The following CSMD1 variants were observed in gnomAD, a reference collection of about 807,000 sequenced individuals.
CSMD1 encodes the protein CUB and Sushi multiple domains 1.
Under a neutral mutation model 417.5 loss-of-function variants are expected in CSMD1, and 213 were observed. The ratio of observed to expected loss-of-function variants is 0.51; its 90% CI spans 0.46 to 0.57. The LOEUF (loss-of-function observed/expected upper bound fraction) is 0.57, where lower values mean the gene tolerates loss of function less well. Among genes scored for constraint, CSMD1 ranks in the 20% least tolerant of loss-of-function variants. CSMD1 has a pLI of 0.00. For missense variants in CSMD1, 6,923 were observed against 4,529.7 expected (o/e 1.53, Z -15.17); for synonymous variants, 2,862 against 1,736.8 (o/e 1.65, Z -16.11).
chr8:4,282,581 A>G (rs75612892), intron 3 of CSMD1, among the ~76,000 whole-genome samples: 4,100 of 152,318 alleles, frequency 0.027, 72 homozygotes, highest in African/African-American at 0.035. Context: ...TCTTAAATGA[A>G]TTGATCTTAG....
intron 3 of CSMD1, among the ~76,000 whole-genome samples, chr8:4,084,516 A>C (rs1800315977): frequency 6.6e-6 from 1 of 152,072 alleles, no homozygotes; most frequent in Admixed American, 6.6e-5. Context: ...TCCTGTTTTT[A>C]TTTTTCCTTA....
chr8:3,821,426 T>G (rs1473454894), intron 5 of CSMD1, among the ~76,000 whole-genome samples: 4 of 152,222 alleles, frequency 2.6e-5, no homozygotes, highest in Middle Eastern at 3.2e-3. Flanking sequence ...TTATGCATTC[T>G]GCTATGACGC....
At chr8:3,285,401 T>C (rs28630932) in intron 25 of CSMD1, among the ~76,000 whole-genome samples, 51,444 of 150,740 alleles carry the variant, frequency 0.34, 8,904 homozygotes, top group Admixed American at 0.4. Flanking sequence ...TTTTTTTTTT[T>C]CTAGAGATGG....
Position 4,129,296 on chromosome 8 carries a change from T to A in CSMD1, c.416-97197A>T, listed in dbSNP as rs141757605. 5.3e-3 allele frequency among the ~76,000 whole-genome samples: 810 copies of A among 152,154 alleles called. 9 individuals are homozygous for A. Among genetic ancestry groups the A allele is most frequent in the African/African-American group, 0.017 (707 of 41,498 alleles). On this transcript the variant is annotated intron_variant, in intron 3 of 69. Transcript: ENST00000635120. ...GCTGTCAACAAAACTAGCACAGTCATTATCTTCTCCCTCTTTTCATGTGGA... is the reference window on the plus strand; with the variant it reads ...GCTGTCAACAAAACTAGCACAGTCAATATCTTCTCCCTCTTTTCATGTGGA...
chr8:4,178,207 C>T (rs1006108179), intron 3 of CSMD1, among the ~76,000 whole-genome samples: 1 of 152,174 alleles, frequency 6.6e-6, no homozygotes. Flanking sequence ...CCGAATCCAG[C>T]AGCACATCAA....
chr8:3,786,319 G>A (rs1249228054), intron 5 of CSMD1, among the ~76,000 whole-genome samples: 1 of 152,140 alleles, frequency 6.6e-6, no homozygotes, highest in Non-Finnish European at 1.5e-5. Context: ...AAAATCCTCT[G>A]TCTGTTGGAT....
At chr8:3,251,672 A>C (rs998986667) in intron 26 of CSMD1, among the ~76,000 whole-genome samples, 1 of 152,120 alleles carries the variant, frequency 6.6e-6, no homozygotes, top group African/African-American at 2.4e-5. Context: ...GCATTTTCAC[A>C]ATATTGATTC....
At chr8:3,126,365 C>T (rs1380078142) in intron 41 of CSMD1, among the ~76,000 whole-genome samples, 1 of 151,986 alleles carries the variant, frequency 6.6e-6, no homozygotes, top group Non-Finnish European at 1.5e-5. Context: ...GGAGACAGAC[C>T]CAGGAGGAGG....
rs960276712 is a variant in CSMD1, at chr8:3,283,848, T to G, written c.4153+296A>C. ...CGACTATACATTAAAACACACAATTTTCTCTCTTTCTTTGGGTCTTCATTT... is the reference window on the plus strand; with the variant it reads ...CGACTATACATTAAAACACACAATTGTCTCTCTTTCTTTGGGTCTTCATTT... On this transcript the variant is annotated intron_variant, in intron 26 of 69. Transcript: ENST00000635120. Among the ~76,000 whole-genome samples the G allele has an allele frequency of 7.2e-5, 11 of 152,236 alleles. No homozygotes were observed. The East Asian group carries it at 2.1e-3, about 29-fold the overall frequency.
intron 10 of CSMD1, among the ~76,000 whole-genome samples, chr8:3,561,705 G>A (rs1323150604): frequency 6.6e-6 from 1 of 152,136 alleles, no homozygotes; most frequent in African/African-American, 2.4e-5. Flanking sequence ...TGTACTACCA[G>A]CCCCGACCCC....
At chr8:4,721,147 C>G (rs1217093986) in intron 1 of CSMD1, among the ~76,000 whole-genome samples, 1 of 152,162 alleles carries the variant, frequency 6.6e-6, no homozygotes, top group Non-Finnish European at 1.5e-5. Context: ...TAAAGTTCTT[C>G]CAGCAAAAGA....
intron 2 of CSMD1, among the ~76,000 whole-genome samples, chr8:4,438,537 T>C (rs763652127): frequency 3.9e-5 from 6 of 152,192 alleles, no homozygotes; most frequent in Admixed American, 3.3e-4. Flanking sequence ...TCCTTTCACA[T>C]GTTTTACTTT....
At chr8:4,650,450 T>C (rs1318313607) in intron 1 of CSMD1, among the ~76,000 whole-genome samples, 2 of 152,156 alleles carry the variant, frequency 1.3e-5, no homozygotes, top group Admixed American at 6.5e-5. Context: ...TCCATTTGTA[T>C]GGCCTTTCAA....
At chr8:4,846,741 G>C (rs1214008908) in intron 1 of CSMD1, among the ~76,000 whole-genome samples, 1 of 152,160 alleles carries the variant, frequency 6.6e-6, no homozygotes, top group Non-Finnish European at 1.5e-5. Flanking sequence ...TCTTAATCTT[G>C]CTTCCCAGGT....
intron 1 of CSMD1, among the ~76,000 whole-genome samples, chr8:4,927,205 C>G (rs1015275813): frequency 6.6e-6 from 1 of 151,148 alleles, no homozygotes; most frequent in Non-Finnish European, 1.5e-5. Context: ...CTCCCACGTT[C>G]AAGTGCTTTT....
At chr8:3,126,361 A>G (rs933519056) in intron 41 of CSMD1, among the ~76,000 whole-genome samples, 1 of 152,194 alleles carries the variant, frequency 6.6e-6, no homozygotes, top group Non-Finnish European at 1.5e-5. Context: ...TGATGGAGAC[A>G]GACCCAGGAG....
At chr8:4,196,728 G>A (rs138918050) in intron 3 of CSMD1, among the ~76,000 whole-genome samples, 1 of 152,066 alleles carries the variant, frequency 6.6e-6, no homozygotes, top group African/African-American at 2.4e-5. Context: ...AGGGTAATTA[G>A]GATGGTCTCT....
intron 5 of CSMD1, among the ~76,000 whole-genome samples, chr8:3,759,245 G>A (rs975836058): frequency 1.3e-5 from 2 of 152,148 alleles, no homozygotes; most frequent in African/African-American, 4.8e-5. Flanking sequence ...TCTCCATAAA[G>A]TGGCTTAAAA....
intron 5 of CSMD1, among the ~76,000 whole-genome samples, chr8:3,958,000 A>G (rs1812081175): frequency 6.6e-6 from 1 of 152,178 alleles, no homozygotes; most frequent in Non-Finnish European, 1.5e-5. Flanking sequence ...TTAACGTTCT[A>G]GATTAAACCA....
Sources: allele counts gnomAD v4.1 joint callset (sites outside exome capture counted in the v4.1 genomes callset), GRCh38; gene constraint gnomAD v4.1.1; transcripts MANE v1.5; gene names NCBI Gene and HGNC (gene_info 2026-07-23, HGNC 2026-07-21).